Variants in CHD2 observed in about 807,000 individuals in gnomAD.
The protein encoded by CHD2 is ATP-dependent chromatin remodeler CHD2.
CHD2 carries 28 observed loss-of-function variants against 243.9 expected under a neutral mutation model. That is an observed-to-expected ratio of 0.11 (90% CI 0.09 to 0.16). The LOEUF (loss-of-function observed/expected upper bound fraction) is 0.16. Ranked by LOEUF, CHD2 falls within the 10% of genes least tolerant of loss-of-function variation. CHD2 has a pLI of 1.00. For synonymous variants in CHD2, 775 were observed against 779.0 expected, an observed-to-expected ratio of 0.99 and a Z score of 0.09; for missense variants, 1,386 against 2,209.8, an observed-to-expected ratio of 0.63 and a Z score of 7.47.
intron 5 of CHD2, among the ~76,000 whole-genome samples, chr15:92,929,459 A>G (rs80262938): frequency 0.015 from 2,250 of 152,270 alleles, 68 homozygotes; most frequent in Admixed American, 0.071. Flanking sequence ...TAGATTTGCT[A>G]TTTTTATGGC....
chr15:92,941,783 A>C (rs1287043473), intron 7 of CHD2, 39 bp from the exon 8 acceptor site: 1 of 1,601,752 alleles, frequency 6.2e-7, no homozygotes, highest in Non-Finnish European at 8.5e-7. Context: ...AATTCTGAAG[A>C]GATCATTTCT....
At chr15:92,906,083 A>G (rs757416550) in intron 2 of CHD2, among the ~76,000 whole-genome samples, 74 of 152,242 alleles carry the variant, frequency 4.9e-4, no homozygotes, top group African/African-American at 1.7e-3. Context: ...TAAAATGCAT[A>G]CCATGATATA....
At chr15:92,945,652 C>T (rs1291345109) in intron 10 of CHD2, 169 bp from the exon 11 acceptor site, 1 of 371,216 alleles carries the variant, frequency 2.7e-6, no homozygotes, top group Non-Finnish European at 5.0e-6. Context: ...CCTGCCTTGG[C>T]CTCCCAAAGT....
chr15:92,931,484 A>ATCC (rs1166959044), intron 5 of CHD2, among the ~76,000 whole-genome samples: 5 of 152,060 alleles, frequency 3.3e-5, no homozygotes, highest in African/African-American at 1.2e-4. Flanking sequence ...AGCTCAAGTG[A>ATCC]TCCTCCTACC....
rs1173753600 is a variant in CHD2, at chr15:93,026,824, C to G, written c.*2119C>G. 6.6e-6 allele frequency: 1 copy of G among 152,400 alleles called. No individual in the cohort carries two copies. Among genetic ancestry groups the G allele is most frequent in the Non-Finnish European group, 1.5e-5 (1 of 68,066 alleles). 9.4% of individuals were successfully genotyped at this position (152,400 alleles called of 1,614,324 possible). On this transcript the variant is annotated 3_prime_UTR_variant, in exon 39 of 39. Coordinates refer to ENST00000394196, the MANE Select transcript of CHD2 (RefSeq NM_001271.4). ...AGATGGGGTGGGAAGGAGGTGAGCC[C>G]CTGCAGAGAGTTGGGTAGTGTCCTT... is the stretch of plus-strand genomic sequence containing the variant.
chr15:92,991,973 A>G (rs1756334756), intron 27 of CHD2, among the ~76,000 whole-genome samples: 1 of 152,278 alleles, frequency 6.6e-6, no homozygotes, highest in Admixed American at 6.5e-5. Flanking sequence ...AGCCTTGACT[A>G]TAAAAACTTC....
intron 2 of CHD2, among the ~76,000 whole-genome samples, chr15:92,907,014 G>T (rs564238476): frequency 5.3e-5 from 8 of 152,274 alleles, no homozygotes; most frequent in African/African-American, 1.9e-4. Flanking sequence ...GTCCAGGCTG[G>T]ATTGTATTTT....
intron 38 of CHD2, 105 bp downstream of exon 38, chr15:93,020,363 G>T (rs768163664): frequency 1.5e-4 from 207 of 1,405,842 alleles, no homozygotes; most frequent in Non-Finnish European, 1.6e-4. Flanking sequence ...AATTACTGAA[G>T]ATCTCATCAT....
chr15:92,972,203 G>A, intron 18 of CHD2, 62 bp from the exon 19 acceptor site: 2 of 1,533,472 alleles, frequency 1.3e-6, no homozygotes, highest in Non-Finnish European at 1.8e-6. Flanking sequence ...GATTTGTAGA[G>A]ATTAGGGAAG....
chr15:92,947,810 C>T (rs1441982912), intron 12 of CHD2, among the ~76,000 whole-genome samples: 1 of 152,122 alleles, frequency 6.6e-6, no homozygotes, highest in Non-Finnish European at 1.5e-5. Context: ...TCACTGCCAG[C>T]CGCCCTCATA....
chr15:92,979,080 T>G, intron 21 of CHD2, 55 bp from the exon 22 acceptor site: 1 of 1,581,596 alleles, frequency 6.3e-7, no homozygotes, highest in Middle Eastern at 1.8e-4. Flanking sequence ...CTCTCTTTTT[T>G]TGGGGGGGTT....
intron 28 of CHD2, among the ~76,000 whole-genome samples, chr15:92,995,807 G>A (rs1005090959): frequency 6.6e-6 from 1 of 152,152 alleles, no homozygotes; most frequent in Admixed American, 6.5e-5. Context: ...GGGAAAATGC[G>A]TATATACTTT....
intron 2 of CHD2, chr15:92,904,509 C>A: frequency 1.0e-6 from 1 of 993,204 alleles, no homozygotes; most frequent in East Asian, 1.1e-4. Flanking sequence ...GAAGGGAACT[C>A]TAGTTGGGAC....
chr15:92,980,273 C>T (rs2053962884), intron 22 of CHD2, among the ~76,000 whole-genome samples: 1 of 144,986 alleles, frequency 6.9e-6, no homozygotes, highest in South Asian at 2.2e-4. Flanking sequence ...GTTGGCCAGA[C>T]TGGTCTCAAA....
intron 34 of CHD2, among the ~76,000 whole-genome samples, chr15:93,007,838 T>A (rs2054340727): frequency 6.6e-6 from 1 of 152,254 alleles, no homozygotes; most frequent in Non-Finnish European, 1.5e-5. Flanking sequence ...TGCTTCAACT[T>A]TGTTTCACAT....
At chr15:92,983,117 C>G (rs1272379141) in intron 24 of CHD2, among the ~76,000 whole-genome samples, 1 of 152,142 alleles carries the variant, frequency 6.6e-6, no homozygotes. Context: ...TATGAGGGCT[C>G]TACCCTCATG....
intron 5 of CHD2, among the ~76,000 whole-genome samples, chr15:92,935,316 G>A (rs1221981114): frequency 2.0e-5 from 3 of 152,160 alleles, no homozygotes; most frequent in East Asian, 3.9e-4. Context: ...GATTACAGGC[G>A]TGAGCCACCG....
intron 7 of CHD2, among the ~76,000 whole-genome samples, chr15:92,940,419 T>G (rs1183137627): frequency 2.0e-5 from 3 of 151,704 alleles, no homozygotes; most frequent in Non-Finnish European, 4.4e-5. Flanking sequence ...TGCACTCCAC[T>G]CCAGGCAAAA....
At position 92,924,572 on chromosome 15, in the gene CHD2, G is replaced by A. The variant is rs1395869352; in HGVS notation, c.294+20G>A. On this transcript the variant is annotated intron_variant, in intron 3 of 38. Coordinates refer to ENST00000394196, the MANE Select transcript of CHD2 (RefSeq NM_001271.4). ...AAGAAGGTATCTACTTTGCCCTGCA[G>A]TACAAATGTGCTGCTAGCCTAGGAC... The A allele has an allele frequency of 5.0e-6, 8 of 1,600,842 alleles. No individual in the cohort carries two copies. The highest frequency in any genetic ancestry group is 6.8e-6 in the Non-Finnish European group (8 of 1,168,214).
Sources: allele counts gnomAD v4.1 joint callset (sites outside exome capture counted in the v4.1 genomes callset), GRCh38; gene constraint gnomAD v4.1.1; transcripts MANE v1.5; gene names NCBI Gene and HGNC (gene_info 2026-07-23, HGNC 2026-07-21).